Variants in DNAAF9 observed in about 807,000 individuals in gnomAD.
DNAAF9 encodes shulin.
DNAAF9 carries 90 observed loss-of-function variants against 167.0 expected under a neutral mutation model. That is an observed-to-expected ratio of 0.54 (90% confidence interval 0.45 to 0.64). The LOEUF is 0.64. Ranked by LOEUF, DNAAF9 falls within the 30% of genes least tolerant of loss-of-function variation. The pLI, the probability that DNAAF9 is intolerant of heterozygous loss-of-function variation, is 0.00. For synonymous variants in DNAAF9, 491 were observed against 508.8 expected, an observed-to-expected ratio of 0.96 and a Z score of 0.47; for missense variants, 1,315 against 1,442.2, an observed-to-expected ratio of 0.91 and a Z score of 1.43.
At chr20:3,309,342 T>A (rs902417744) in intron 20 of DNAAF9, among the ~76,000 whole-genome samples, 1 of 152,178 alleles carries the variant, frequency 6.6e-6, no homozygotes, top group African/African-American at 2.4e-5. Context: ...AGTGTTATAA[T>A]TTTCTCAGCC....
At chr20:3,314,244 G>A (rs1193449283) in intron 20 of DNAAF9, among the ~76,000 whole-genome samples, 1 of 152,112 alleles carries the variant, frequency 6.6e-6, no homozygotes, top group South Asian at 2.1e-4. Flanking sequence ...ACTTTGAACT[G>A]TAGCCATAAT....
At chr20:3,300,224 A>C (rs1365582184) in intron 21 of DNAAF9, among the ~76,000 whole-genome samples, 1 of 152,100 alleles carries the variant, frequency 6.6e-6, no homozygotes, top group Non-Finnish European at 1.5e-5. Context: ...ATCTGCAAAA[A>C]ATGCCATTGG....
chr20:3,275,765 AT>A (rs2068666311), intron 29 of DNAAF9, among the ~76,000 whole-genome samples: 1 of 152,214 alleles, frequency 6.6e-6, no homozygotes. Context: ...GGACAGCCAG[AT>A]TTGGCCAAGG....
At chr20:3,290,080 C>T (rs2068923674) in intron 26 of DNAAF9, 49 bp downstream of exon 26, 2 of 1,225,594 alleles carry the variant, frequency 1.6e-6, no homozygotes, top group Non-Finnish European at 2.4e-6. Context: ...CCTAGGCAGG[C>T]CCAAGTTAGA....
At chr20:3,263,087 G>A (rs1000056561) in intron 31 of DNAAF9, among the ~76,000 whole-genome samples, 3 of 145,968 alleles carry the variant, frequency 2.1e-5, no homozygotes, top group Admixed American at 7.3e-5. Context: ...CCATTCTCCT[G>A]CCTCAGCCTC....
intron 6 of DNAAF9, among the ~76,000 whole-genome samples, chr20:3,369,067 C>A (rs2083474328): frequency 6.6e-6 from 1 of 150,808 alleles, no homozygotes; most frequent in Admixed American, 6.6e-5. Flanking sequence ...AGGCAGAGGT[C>A]GCAGTGAGCC....
chr20:3,402,613 T>C (rs2084003695), intron 1 of DNAAF9, among the ~76,000 whole-genome samples: 1 of 152,058 alleles, frequency 6.6e-6, no homozygotes, highest in Non-Finnish European at 1.5e-5. Context: ...GATCTCACTC[T>C]GTTGCCCAGG....
chr20:3,355,534 A>C (rs2083272737), intron 7 of DNAAF9, among the ~76,000 whole-genome samples: 2 of 127,648 alleles, frequency 1.6e-5, no homozygotes, highest in African/African-American at 2.8e-5. Context: ...AGATTGTGCC[A>C]CTGCACTCCA....
chr20:3,405,891 T>C (rs2084047975), intron 1 of DNAAF9, among the ~76,000 whole-genome samples: 1 of 152,212 alleles, frequency 6.6e-6, no homozygotes, highest in African/African-American at 2.4e-5. Flanking sequence ...GCAATGTCTA[T>C]ACAAGTTCAA....
chr20:3,387,442 C>G (rs2083759268), intron 1 of DNAAF9, among the ~76,000 whole-genome samples: 1 of 152,072 alleles, frequency 6.6e-6, no homozygotes, highest in Non-Finnish European at 1.5e-5. Flanking sequence ...AACTAGATAT[C>G]TAAAGAATGA....
At chr20:3,302,600 T>C (rs528507742) in intron 21 of DNAAF9, among the ~76,000 whole-genome samples, 19 of 152,320 alleles carry the variant, frequency 1.2e-4, no homozygotes, top group African/African-American at 4.3e-4. Flanking sequence ...GAATACTACT[T>C]AGCAATAAAG....
intron 6 of DNAAF9, among the ~76,000 whole-genome samples, chr20:3,364,269 T>C (rs1339611706): frequency 1.3e-5 from 2 of 152,216 alleles, no homozygotes; most frequent in Admixed American, 6.5e-5. Context: ...GTTTTCCTGC[T>C]TTTTTTAAGC....
intron 21 of DNAAF9, among the ~76,000 whole-genome samples, chr20:3,298,907 CTTT>C (rs397865293): frequency 8.4e-6 from 1 of 119,560 alleles, no homozygotes; most frequent in Non-Finnish European, 1.7e-5. Context: ...TGTTTTAGCT[CTTT>C]TTTTTTTTTT....
At position 3,330,675 on chromosome 20, in the gene DNAAF9, G is replaced by C. The variant is rs2069809649; in HGVS notation, c.1071C>G (p.Asp357Glu). The C allele has an allele frequency of 6.3e-7, 1 of 1,594,574 alleles. No homozygotes were observed. The highest frequency in any genetic ancestry group is 1.3e-5 in the African/African-American group (1 of 74,110). Residue 357 changes from aspartate to glutamate, a missense_variant, in exon 12 of 37, where the codon GAC (aspartate) becomes GAG (glutamate). Transcript: ENST00000252032. ...GTTCAGTTTTCTTGGGCAGCTTGCT[G>C]TCACCACCTGTGAAAGAGGCCCACT... ...GATHVPYLGG[D>E]SKLPKKTEQI...
chr20:3,326,116 T>C, intron 13 of DNAAF9, 81 bp downstream of exon 13: 1 of 1,050,052 alleles, frequency 9.5e-7, no homozygotes, highest in Non-Finnish European at 1.5e-6. Context: ...TACTACAAGA[T>C]GTCCAAAGAA....
intron 20 of DNAAF9, among the ~76,000 whole-genome samples, chr20:3,308,456 C>A (rs1263551633): frequency 6.6e-6 from 1 of 150,810 alleles, no homozygotes; most frequent in Non-Finnish European, 1.5e-5. Context: ...GATTCTTGTG[C>A]CTCAGCCTCC....
intron 33 of DNAAF9, among the ~76,000 whole-genome samples, chr20:3,258,615 A>G (rs2068324070): frequency 1.3e-5 from 2 of 152,126 alleles, no homozygotes. Flanking sequence ...TTTGACACCC[A>G]GACCTGTAGC....
intron 31 of DNAAF9, among the ~76,000 whole-genome samples, chr20:3,263,002 T>A (rs2068421859): frequency 8.0e-6 from 1 of 124,696 alleles, no homozygotes; most frequent in Admixed American, 1.0e-4. Context: ...TGAGACGGAG[T>A]CTCGCTCTGT....
chr20:3,385,631 T>C (rs557577928), intron 1 of DNAAF9, among the ~76,000 whole-genome samples: 65 of 152,308 alleles, frequency 4.3e-4, no homozygotes, highest in African/African-American at 1.5e-3. Flanking sequence ...TCTCACTTTG[T>C]TGCCTCCCTA....
Sources: allele counts gnomAD v4.1 joint callset (sites outside exome capture counted in the v4.1 genomes callset), GRCh38; gene constraint gnomAD v4.1.1; transcripts MANE v1.5; gene names NCBI Gene and HGNC (gene_info 2026-07-23, HGNC 2026-07-21).